Variants in BTBD8 observed in about 807,000 individuals in gnomAD.
BTBD8 encodes the protein BTB domain containing 8.
Under a neutral mutation model 162.9 loss-of-function variants are expected in BTBD8, and 110 were observed. That is an observed-to-expected ratio of 0.68 (90% CI 0.58 to 0.79). BTBD8 has a LOEUF of 0.79. Ranked by LOEUF, BTBD8 falls within the 30% of genes least tolerant of loss-of-function variation. BTBD8 has a pLI of 0.00. For synonymous variants in BTBD8, 667 were observed against 716.1 expected, an observed-to-expected ratio of 0.93 and a Z score of 1.10; for missense variants, 1,905 against 2,085.4, an observed-to-expected ratio of 0.91 and a Z score of 1.68.
intron 5 of BTBD8, among the ~76,000 whole-genome samples, chr1:92,131,358 G>C (rs1649510514): frequency 1.3e-5 from 2 of 152,152 alleles, no homozygotes; most frequent in African/African-American, 4.8e-5. Flanking sequence ...CAAGAGAAGT[G>C]AGTTGTTTTC....
At chr1:92,154,937 G>A (rs1291497907) in intron 9 of BTBD8, among the ~76,000 whole-genome samples, 1 of 152,028 alleles carries the variant, frequency 6.6e-6, no homozygotes, top group Admixed American at 6.6e-5. Flanking sequence ...TTGATATTTG[G>A]GTATGTTGTA....
intron 4 of BTBD8, among the ~76,000 whole-genome samples, chr1:92,118,182 G>A (rs571397522): frequency 2.6e-5 from 4 of 151,532 alleles, no homozygotes; most frequent in South Asian, 2.1e-4. Flanking sequence ...TTTTTACCTA[G>A]TGTCCTTTTG....
At chr1:92,096,509 C>G (rs1056982695) in intron 2 of BTBD8, among the ~76,000 whole-genome samples, 1 of 151,616 alleles carries the variant, frequency 6.6e-6, no homozygotes, top group African/African-American at 2.4e-5. Context: ...CCAGTAGGCA[C>G]TTAGTGCTGT....
intron 2 of BTBD8, among the ~76,000 whole-genome samples, chr1:92,098,027 A>C (rs537315737): frequency 6.6e-6 from 1 of 152,296 alleles, no homozygotes; most frequent in South Asian, 2.1e-4. Context: ...CTCAATGCCC[A>C]GGTTTTTTTA....
At chr1:92,107,799 G>A in intron 3 of BTBD8, 85 bp from the exon 4 acceptor site, 1 of 1,074,914 alleles carries the variant, frequency 9.3e-7, no homozygotes, top group East Asian at 2.6e-5. Context: ...TAATTATGTG[G>A]GAAACCTCTT....
At chr1:92,091,211 G>A (rs544217700) in intron 2 of BTBD8, among the ~76,000 whole-genome samples, 1 of 152,132 alleles carries the variant, frequency 6.6e-6, no homozygotes, top group Non-Finnish European at 1.5e-5. Context: ...TTGTTTACAA[G>A]TGTGTAGCAC....
intron 1 of BTBD8, among the ~76,000 whole-genome samples, chr1:92,081,177 C>T (rs1259619485): frequency 2.6e-5 from 4 of 152,174 alleles, no homozygotes; most frequent in African/African-American, 9.7e-5. Context: ...TCTGAGGTCT[C>T]TTTAAACAAT....
intron 4 of BTBD8, chr1:92,125,236 T>G: frequency 6.4e-6 from 1 of 156,550 alleles, no homozygotes. Flanking sequence ...GAAAGCCACG[T>G]GGAGAGGGAG....
At chr1:92,125,215 G>A (rs76969758) in intron 4 of BTBD8, 3,129 of 156,110 alleles carry the variant, frequency 0.02, 46 homozygotes, top group Middle Eastern at 0.07. Flanking sequence ...GGAGAGAAGA[G>A]GGAAGCTCAT....
At chr1:92,084,814 G>A (rs1648112740) in intron 1 of BTBD8, among the ~76,000 whole-genome samples, 1 of 152,108 alleles carries the variant, frequency 6.6e-6, no homozygotes. Flanking sequence ...TCACTGTAGG[G>A]TACAGTTAAG....
chr1:92,094,315 C>T (rs933826994), intron 2 of BTBD8, among the ~76,000 whole-genome samples: 5 of 152,156 alleles, frequency 3.3e-5, no homozygotes, highest in African/African-American at 1.2e-4. Flanking sequence ...GCACTTGTGA[C>T]GTACCCTTTT....
In BTBD8 at chr1:92,181,602, C is replaced by T; in HGVS notation, c.3919C>T (p.Pro1307Ser). Residue 1307 changes from proline (P) to serine (S), a missense_variant, in exon 17 of 18, where the codon CCT (proline) becomes TCT (serine). Pro to Ser is a moderately conservative substitution (Grantham distance 74). Coordinates refer to ENST00000636805, the MANE Select transcript of BTBD8 (RefSeq NM_001376131.1). ...LGRSSSDTST[P>S]EELKIYDSNL... ...AAGAAGTAGCAGTGATACCAGTACT[C>T]CTGAAGAATTAAAAATTTATGATAG... The T allele has an allele frequency of 1.3e-6, 2 of 1,551,110 alleles. No homozygotes were observed. Among genetic ancestry groups the T allele is most frequent in the East Asian group, 4.9e-5 (2 of 40,924 alleles).
Position 92,182,031 on chromosome 1 carries a change from T to G in BTBD8, c.4348T>G (p.Ser1450Ala). ...LSVDECEELG[S>A]DEGEVHTPFQ... is the part of the protein sequence containing the mutation. ...AGTCGATGAATGTGAAGAGCTGGGA[T>G]CAGATGAAGGAGAAGTCCATACTCC... is the stretch of plus-strand genomic sequence containing the variant. The change falls in exon 17 of 18, where the codon TCA (serine) becomes GCA (alanine). Residue 1450 changes from serine to alanine, a missense_variant. By Grantham distance (99) the Ser-to-Ala change is moderately conservative. Transcript: ENST00000636805. The G allele has an allele frequency of 6.4e-7, 1 of 1,551,500 alleles. No homozygotes were observed.
Position 92,178,312 on chromosome 1 carries a change from T to G in BTBD8, c.2442T>G (p.Ser814Arg). The G allele has an allele frequency of 1.3e-6, 2 of 1,545,306 alleles. No homozygotes were observed. ...ACTGAATGCAAATAATTTTTTTTAG[T>G]GTACTAAAGAAAGTCAGTGGCAAAG... is the stretch of plus-strand genomic sequence containing the variant. The part of the protein sequence containing the change: ...IHEQDTNVNN[S>R]VLKKVSGKGC... Residue 814 changes from serine to arginine, a missense_variant and splice_region_variant, in exon 16 of 18, where the codon AGT becomes AGG. This residue lies in a region of BTBD8 where 1,374 missense variants were observed against 1,442.7 expected (regional missense o/e 0.95). Coordinates refer to ENST00000636805, the MANE Select transcript of BTBD8 (RefSeq NM_001376131.1).
Position 92,180,512 on chromosome 1 carries a change from T to A in BTBD8, c.2829T>A (p.Pro943=). Residue 943 remains proline (P), a synonymous_variant, in exon 17 of 18, where the codon CCT becomes CCA. Transcript: ENST00000636805. The part of the protein sequence containing the change: ...NNKDSKQKMP[P]GQVISKTQPS... ...AAGATTCAAAACAGAAAATGCCTCCTGGACAGGTTATATCAAAAACTCAGC... is the reference window on the plus strand; with the variant it reads ...AAGATTCAAAACAGAAAATGCCTCCAGGACAGGTTATATCAAAAACTCAGC... 2 of 1,551,434 alleles carry A rather than the reference T, an allele frequency of 1.3e-6. No individual in the cohort carries two copies. The highest frequency in any genetic ancestry group is 1.7e-6 in the Non-Finnish European group (2 of 1,146,900).
In BTBD8 at chr1:92,180,409, T is replaced by C; in HGVS notation, c.2726T>C (p.Leu909Ser). Residue 909 changes from leucine to serine, a missense_variant, in exon 17 of 18, where the codon TTG becomes TCG. Leu to Ser is a moderately radical substitution (Grantham distance 145). Around this residue, in one of 3 missense-constraint regions of BTBD8, gnomAD observed 1,374 missense variants for 1,442.7 expected, o/e 0.95. Transcript: ENST00000636805. Reference protein sequence around the residue: ...RKMVKQVHTALPKVNAKIVAM... With the variant: ...RKMVKQVHTASPKVNAKIVAM... ...ATGGTCAAGCAAGTACACACAGCTT[T>C]GCCTAAGGTTAATGCAAAAATAGTG... 6.4e-7 allele frequency: 1 copy of C among 1,551,626 alleles called. No homozygotes were observed. Among genetic ancestry groups the C allele is most frequent in the Non-Finnish European group, 8.7e-7 (1 of 1,146,954 alleles).
chr1:92,139,953 A>AAAAAAAAAAAAAAAAC (rs1649731746), intron 6 of BTBD8: 1 of 141,660 alleles, frequency 7.1e-6, no homozygotes, highest in African/African-American at 2.6e-5. Flanking sequence ...AAAAAAAAAA[A>AAAAAAAAAAAAAAAAC]AAAAAAAAAA....
chr1:92,085,944 A>G (rs1408523719), intron 1 of BTBD8, among the ~76,000 whole-genome samples: 1 of 152,132 alleles, frequency 6.6e-6, no homozygotes, highest in African/African-American at 2.4e-5. Flanking sequence ...GAAGGCCCTG[A>G]GCTCTGGAAG....
At chr1:92,103,133 T>C (rs1648641678) in intron 3 of BTBD8, among the ~76,000 whole-genome samples, 1 of 152,242 alleles carries the variant, frequency 6.6e-6, no homozygotes, top group African/African-American at 2.4e-5. Context: ...ATTGATGGAA[T>C]GAGAAAGTGG....
Sources: allele counts gnomAD v4.1 joint callset (sites outside exome capture counted in the v4.1 genomes callset), GRCh38; gene constraint gnomAD v4.1.1; regional missense constraint gnomAD v4.1.1; transcripts MANE v1.5; gene names NCBI Gene and HGNC (gene_info 2026-07-23, HGNC 2026-07-21).